Variants in CCDC15 observed in about 807,000 individuals in gnomAD.
The protein encoded by CCDC15 is coiled-coil domain-containing protein 15.
A neutral mutation model predicts 114.5 loss-of-function variants in CCDC15; 105 were observed. That is an observed-to-expected ratio of 0.92 (90% CI 0.78 to 1.08). The LOEUF (loss-of-function observed/expected upper bound fraction) is 1.08. CCDC15 is among the 50% of genes least tolerant of loss of function. The pLI is 0.00. For synonymous variants in CCDC15, 334 were observed against 377.8 expected (o/e 0.88, Z 1.34); for missense variants, 1,105 against 1,093.6 (o/e 1.01, Z -0.15).
At chr11:125,017,960 G>A (rs1948639257) in intron 13 of CCDC15, among the ~76,000 whole-genome samples, 1 of 152,052 alleles carries the variant, frequency 6.6e-6, no homozygotes, top group South Asian at 2.1e-4. Flanking sequence ...TTATAAAAGA[G>A]TCAAGTAAAA....
intron 11 of CCDC15, among the ~76,000 whole-genome samples, chr11:124,998,106 A>C (rs1421827818): frequency 1.3e-5 from 2 of 152,174 alleles, no homozygotes; most frequent in Non-Finnish European, 2.9e-5. Flanking sequence ...GAACTTGGAA[A>C]TTTAGCTGAG....
chr11:125,020,920 A>AT (rs907526549), intron 13 of CCDC15, among the ~76,000 whole-genome samples: 45 of 150,136 alleles, frequency 3.0e-4, no homozygotes, highest in African/African-American at 8.8e-4. Flanking sequence ...AAAGCTGTGG[A>AT]TTTTTTTTTT....
chr11:125,032,997 G>T (rs566648236), intron 13 of CCDC15, among the ~76,000 whole-genome samples: 35 of 152,262 alleles, frequency 2.3e-4, no homozygotes, highest in African/African-American at 7.2e-4. Context: ...AAGTCCGGAG[G>T]TCTCCTTGGG....
At chr11:125,035,486 TC>T (rs1342471237) in intron 13 of CCDC15, among the ~76,000 whole-genome samples, 4 of 151,566 alleles carry the variant, frequency 2.6e-5, no homozygotes, top group Non-Finnish European at 5.9e-5. Context: ...GAAGTATGTT[TC>T]TTGCAGGCAA....
chr11:125,005,153 T>G lies in CCDC15; in HGVS notation c.2352T>G (p.Ile784Met). ...GACATAGACGACTTTTCATGGATAT[T>G]GAGAGAGAACAAGTTAAAGAACAAC... ...YLRHRRLFMD[I>M]EREQVKEQQR... is the part of the protein sequence containing the mutation. The change falls in exon 13 of 16, where the codon ATT becomes ATG. Residue 784 changes from isoleucine to methionine, a missense_variant. Transcript: ENST00000344762. 6.4e-7 allele frequency: 1 copy of G among 1,574,098 alleles called. No individual in the cohort carries two copies. Among genetic ancestry groups the G allele is most frequent in the African/African-American group, 1.4e-5 (1 of 73,842 alleles).
At chr11:125,038,694 G>A (rs1948794065) in intron 14 of CCDC15, 90 bp downstream of exon 14, 1 of 1,285,154 alleles carries the variant, frequency 7.8e-7, no homozygotes, top group Middle Eastern at 2.2e-4. Context: ...AGAATTGACT[G>A]TGTCTTTTCA....
intron 3 of CCDC15, among the ~76,000 whole-genome samples, chr11:124,959,550 ATTAC>A (rs1397747533): frequency 6.6e-6 from 1 of 152,186 alleles, no homozygotes; most frequent in Non-Finnish European, 1.5e-5. Context: ...CTTTTGGCTA[ATTAC>A]TTAACTTCAC....
chr11:125,017,584 CTA>C (rs1948636589), intron 13 of CCDC15, among the ~76,000 whole-genome samples: 1 of 152,014 alleles, frequency 6.6e-6, no homozygotes, highest in African/African-American at 2.4e-5. Context: ...TAATGAACAC[CTA>C]TGTTACTGGT....
In CCDC15 at chr11:125,034,617, T is replaced by C. The variant is rs562729977; in HGVS notation, c.2412-3814T>C. ...ATTATGTTCCTTGGTTCTCCACATA[T>C]GGTCAAAGTTATTATGTACAGGGTC... On this transcript the variant is annotated intron_variant, in intron 13 of 15. Coordinates refer to ENST00000344762, the MANE Select transcript of CCDC15 (RefSeq NM_025004.3). Among the ~76,000 whole-genome samples, 7 of 152,318 alleles carry C rather than the reference T, an allele frequency of 4.6e-5. No homozygotes were observed. The East Asian group carries it at 9.6e-4, about 21-fold the overall frequency.
intron 6 of CCDC15, among the ~76,000 whole-genome samples, chr11:124,978,021 G>A (rs1948005006): frequency 6.6e-6 from 1 of 152,032 alleles, no homozygotes; most frequent in African/African-American, 2.4e-5. Flanking sequence ...CCACCCTCAA[G>A]TAGGCCCTGG....
chr11:124,983,888 G>A (rs894034315), intron 6 of CCDC15, among the ~76,000 whole-genome samples: 4 of 152,122 alleles, frequency 2.6e-5, no homozygotes, highest in African/African-American at 9.7e-5. Context: ...ATGGAGCGGC[G>A]GGAGTGGGGC....
At chr11:125,015,748 A>G (rs1948625020) in intron 13 of CCDC15, among the ~76,000 whole-genome samples, 1 of 152,214 alleles carries the variant, frequency 6.6e-6, no homozygotes, top group African/African-American at 2.4e-5. Context: ...TAACTTTAAT[A>G]CCAGCCTGAT....
At chr11:124,962,648 CTT>C (rs11286590) in intron 4 of CCDC15, among the ~76,000 whole-genome samples, 2,260 of 147,680 alleles carry the variant, frequency 0.015, 59 homozygotes, top group African/African-American at 0.05. Context: ...GAATTCAGTT[CTT>C]TTTTTTTTTT....
intron 11 of CCDC15, among the ~76,000 whole-genome samples, chr11:124,995,466 G>A (rs1355288508): frequency 1.3e-5 from 2 of 152,130 alleles, no homozygotes; most frequent in South Asian, 2.1e-4. Flanking sequence ...ACAGCACTTG[G>A]CACAGTGGCT....
chr11:124,957,099 C>A (rs1002518491), intron 2 of CCDC15, among the ~76,000 whole-genome samples: 1 of 152,178 alleles, frequency 6.6e-6, no homozygotes, highest in Admixed American at 6.5e-5. Context: ...TAACCAACCA[C>A]CCCAGAACTT....
rs1948036052 is a variant in CCDC15, at chr11:124,979,755, T to G, written c.753+2155T>G. ...CCTCTCTTCCTACTTGGATGTCATT[T>G]TTTTTCTTTCTCTTGCCTGATTGCT... On this transcript the variant is annotated intron_variant, in intron 6 of 15. Transcript: ENST00000344762. Among the ~76,000 whole-genome samples the G allele has an allele frequency of 3.9e-5, 6 of 152,292 alleles. 1 individual carries two copies. In the South Asian group the frequency reaches 1.2e-3, roughly 32 times the overall value.
intron 13 of CCDC15, among the ~76,000 whole-genome samples, chr11:125,016,592 A>T (rs1016638632): frequency 6.6e-6 from 1 of 152,170 alleles, no homozygotes; most frequent in Non-Finnish European, 1.5e-5. Flanking sequence ...TGATAGCCTA[A>T]TCTTTTAGCT....
Position 124,987,335 on chromosome 11 carries a change from C to T in CCDC15, c.1109C>T (p.Thr370Ile), listed in dbSNP as rs764132713. The T allele has an allele frequency of 4.3e-6, 7 of 1,613,786 alleles. No individual in the cohort carries two copies. The highest frequency in any genetic ancestry group is 5.1e-6 in the Non-Finnish European group (6 of 1,179,846). Reference protein sequence around the residue: ...TQAVEMKVQVTEPEGQAIEPE... With the variant: ...TQAVEMKVQVIEPEGQAIEPE... ...GCTGTTGAAATGAAGGTTCAGGTTA[C>T]TGAGCCAGAAGGCCAGGCCATTGAG... Residue 370 changes from threonine (T) to isoleucine (I), a missense_variant, in exon 8 of 16, where the codon ACT (threonine) becomes ATT (isoleucine). Physicochemically the swap from Thr to Ile is moderately conservative, Grantham distance 89. Coordinates refer to ENST00000344762, the MANE Select transcript of CCDC15 (RefSeq NM_025004.3).
intron 13 of CCDC15, among the ~76,000 whole-genome samples, chr11:125,034,355 C>G (rs1948761266): frequency 6.6e-6 from 1 of 152,198 alleles, no homozygotes; most frequent in African/African-American, 2.4e-5. Flanking sequence ...CAGTAGACAC[C>G]TGGCAAGGCT....
Sources: gnomAD v4.1 joint callset for allele counts (sites outside exome capture counted in the v4.1 genomes callset) on GRCh38, gnomAD v4.1.1 for gene constraint, MANE v1.5 for transcripts, NCBI Gene and HGNC (gene_info 2026-07-23, HGNC 2026-07-21) for gene names.